CTBP1: variants seen among roughly 807,000 people sequenced by gnomAD.
CTBP1 encodes C-terminal binding protein 1, also known as C-terminal-binding protein 1.
Under a neutral mutation model 42.1 loss-of-function variants are expected in CTBP1, and 11 were observed. That is an observed-to-expected ratio of 0.26 (90% CI 0.16 to 0.43). The LOEUF (loss-of-function observed/expected upper bound fraction) is 0.43, where lower values mean the gene tolerates loss of function less well. Among genes scored for constraint, CTBP1 ranks in the 20% least tolerant of loss-of-function variants. The pLI is 1.00. For missense variants in CTBP1, 399 were observed against 624.3 expected (o/e 0.64, Z 3.85); for synonymous variants, 324 against 277.1 (o/e 1.17, Z -1.68).
Position 1,237,149 on chromosome 4 carries a change from C to T in CTBP1, c.162+1034G>A, listed in dbSNP as rs1279111893. On this transcript the variant is annotated intron_variant, in intron 3 of 9. Coordinates refer to ENST00000382952, the MANE Select transcript of CTBP1 (RefSeq NM_001012614.2). ...CCTCCTGATGGGGCACAGGGCAAAC[C>T]GAGTGTCCACCTCCTGATGGGGCTC... 1.4e-5 allele frequency: 9 copies of T among 655,712 alleles called. No individual in the cohort carries two copies. In the East Asian group the frequency reaches 2.2e-4, roughly 16 times the overall value. The allele number at this position is 655,712 out of a possible 1,614,324, so 40.6% of individuals were successfully genotyped here. A position where few individuals can be genotyped will look rare whatever the true frequency, so the allele number is the denominator to read the frequency against.
At position 1,212,258 on chromosome 4, in the gene CTBP1, G is replaced by A. The variant is rs757056389; in HGVS notation, c.1272C>T (p.His424=). 10 of 1,519,294 alleles carry A rather than the reference G, an allele frequency of 6.6e-6. No homozygotes were observed. Among genetic ancestry groups the A allele is most frequent in the Non-Finnish European group, 7.1e-6 (8 of 1,134,492 alleles). The allele number at this position is 1,519,294 out of a possible 1,614,324, so 94.1% of individuals were successfully genotyped here. ...TCCCGGGCTACAACTGGTCACTGGCGTGGTCTCTATCCGCCTCGGGCTTGA... is the reference window on the plus strand; with the variant it reads ...TCCCGGGCTACAACTGGTCACTGGCATGGTCTCTATCCGCCTCGGGCTTGA... The part of the protein sequence containing the change: ...QTVKPEADRD[H]ASDQL Residue 424 remains histidine, a synonymous_variant, in exon 10 of 10, where the codon CAC becomes CAT. Coordinates refer to ENST00000382952, the MANE Select transcript of CTBP1 (RefSeq NM_001012614.2).
At chr4:1,226,621 C>T (rs896388685) in intron 4 of CTBP1, among the ~76,000 whole-genome samples, 6 of 150,592 alleles carry the variant, frequency 4.0e-5, no homozygotes, top group Non-Finnish European at 8.9e-5. Context: ...CCAGACCATC[C>T]CTGGCTGAAG....
chr4:1,235,334 AGCAGACGCTCCCG>A lies in CTBP1; in HGVS notation c.162+2836_162+2848del, dbSNP rs546799330. On this transcript the variant is annotated intron_variant, in intron 3 of 9. Transcript: ENST00000382952. The surrounding 1 kb of genome is among the most constrained non-coding windows in gnomAD (Gnocchi z 4.2). ...AAGAATCTTCCAGAGCGAACGCCCC[AGCAGACGCTCCCG>A]GCAGACCACGCGCATTTTTAACATC... The A allele has an allele frequency of 4.9e-4, 74 of 152,340 alleles. No individual in the cohort carries two copies. Among genetic ancestry groups the A allele is most frequent in the African/African-American group, 1.7e-3 (71 of 41,556 alleles). The allele number at this position is 152,340 out of a possible 1,614,324, so 9.4% of individuals were successfully genotyped here. A position where few individuals can be genotyped will look rare whatever the true frequency, so the allele number is the denominator to read the frequency against.
In CTBP1 at chr4:1,244,942, C is replaced by T. The variant is rs542992973; in HGVS notation, c.-188-3423G>A. 5,449 of 985,440 alleles carry T rather than the reference C, an allele frequency of 5.5e-3. 22 individuals are homozygous for T. The highest frequency in any genetic ancestry group is 6.2e-3 in the Non-Finnish European group (5,161 of 829,914). The allele number at this position is 985,440 out of a possible 1,614,324, so 61.0% of individuals were successfully genotyped here. ...CCAGTCCTGAGATACAGCCACCTGC[C>T]GCCCAGAGAAAACTGAGGCCCTGCC... On this transcript the variant is annotated intron_variant, in intron 1 of 9. Coordinates refer to ENST00000382952, the MANE Select transcript of CTBP1 (RefSeq NM_001012614.2).
intron 5 of CTBP1, among the ~76,000 whole-genome samples, chr4:1,222,959 T>C (rs1007817732): frequency 2.6e-5 from 4 of 151,846 alleles, no homozygotes; most frequent in Admixed American, 2.6e-4. Context: ...CCACAGTCCC[T>C]CGTACACCTC....
chr4:1,224,954 T>C (rs966143072), intron 5 of CTBP1, among the ~76,000 whole-genome samples: 1 of 151,748 alleles, frequency 6.6e-6, no homozygotes, highest in Non-Finnish European at 1.5e-5. Flanking sequence ...GAGGCCCACA[T>C]GTGTGCTCTG....
chr4:1,225,091 CTG>C lies in CTBP1; in HGVS notation c.514+267_514+268del, dbSNP rs1730183920. 1.3e-5 allele frequency among the ~76,000 whole-genome samples: 2 copies of C among 151,686 alleles called. 1 individual carries two copies. Among genetic ancestry groups the C allele is most frequent in the South Asian group, 4.2e-4 (2 of 4,812 alleles). ...CCATGAGACCCACGTGCTGTGATGT[CTG>C]TGTGAGGCTGTGTGTGCTGTGGCAT... On this transcript the variant is annotated intron_variant, in intron 5 of 9. Coordinates refer to ENST00000382952, the MANE Select transcript of CTBP1 (RefSeq NM_001012614.2).
chr4:1,232,321 T>C (rs1429509795), intron 3 of CTBP1, among the ~76,000 whole-genome samples: 1 of 152,210 alleles, frequency 6.6e-6, no homozygotes, highest in Non-Finnish European at 1.5e-5. Context: ...CTTTCTTTTT[T>C]TCCTTTTTGA....
chr4:1,216,200 C>T lies in CTBP1; in HGVS notation c.520G>A (p.Val174Met). The T allele has an allele frequency of 6.2e-7, 1 of 1,609,520 alleles. No homozygotes were observed. Among genetic ancestry groups the T allele is most frequent in the Non-Finnish European group, 8.5e-7 (1 of 1,179,422 alleles). The change falls in exon 6 of 10, where the codon GTG (valine) becomes ATG (methionine). Residue 174 changes from valine to methionine, a missense_variant. Physicochemically the swap from Val to Met is conservative, Grantham distance 21 (BLOSUM62 1). Coordinates refer to ENST00000382952, the MANE Select transcript of CTBP1 (RefSeq NM_001012614.2). The stretch of plus-strand genomic sequence containing the variant: ...GCCCGCAGCGCCACTGCCTGCCCCA[C>T]GCGACCTGGTGGCGTCAAGACACAG... ...ETLGIIGLGR[V>M]GQAVALRAKA...
intron 5 of CTBP1, chr4:1,221,706 G>C: frequency 2.8e-6 from 1 of 351,564 alleles, no homozygotes; most frequent in Non-Finnish European, 5.7e-6. Flanking sequence ...GCGGGACCCG[G>C]GTCCTCGCAG....
rs560435025 is a variant in CTBP1, at chr4:1,238,426, C to T, written c.8-89G>A. On this transcript the variant is annotated intron_variant, in intron 2 of 9. Transcript: ENST00000382952. The surrounding 1 kb of genome is among the most constrained non-coding windows in gnomAD (Gnocchi z 5.9). ...ACGCCACCCACTGTGCACGGGCCAA[C>T]GAGGGCCGACCGCCGGGGGTTTTCT... is the stretch of plus-strand genomic sequence containing the variant. The T allele has an allele frequency of 6.9e-6, 10 of 1,441,854 alleles. No homozygotes were observed. The East Asian group carries it at 7.0e-5, about 10-fold the overall frequency. 89.3% of individuals were successfully genotyped at this position (1,441,854 alleles called of 1,614,324 possible).
intron 5 of CTBP1, among the ~76,000 whole-genome samples, chr4:1,220,431 A>T (rs1416428346): frequency 6.6e-6 from 1 of 152,264 alleles, no homozygotes; most frequent in Non-Finnish European, 1.5e-5. Flanking sequence ...AAATAAATGG[A>T]GAGATCATAT....
intron 1 of CTBP1, chr4:1,243,840 C>CA (rs1732437796): frequency 2.8e-5 from 28 of 985,428 alleles, no homozygotes; most frequent in Non-Finnish European, 3.3e-5. Flanking sequence ...ATCAAAAACT[C>CA]ACAGCCGCAC....
Position 1,220,583 on chromosome 4 carries a change from G to A in CTBP1, c.515-4378C>T, listed in dbSNP as rs528060642. 1.2e-4 allele frequency among the ~76,000 whole-genome samples: 19 copies of A among 152,344 alleles called. 3 individuals carry two copies. Among genetic ancestry groups the A allele is most frequent in the Middle Eastern group, 6.8e-3 (2 of 294 alleles). On this transcript the variant is annotated intron_variant, in intron 5 of 9. Coordinates refer to ENST00000382952, the MANE Select transcript of CTBP1 (RefSeq NM_001012614.2). ...AGGACCTAAAACAGCCAAGACCCTC[G>A]TCAAGAACATGGTGGAGGATCTCAA...
Position 1,248,925 on chromosome 4 carries a change from G to A in CTBP1, c.-198C>T, listed in dbSNP as rs1255361099. 1 of 1,005,796 alleles carries A rather than the reference G, an allele frequency of 9.9e-7. No homozygotes were observed. The highest frequency in any genetic ancestry group is 5.4e-5 in the Admixed American group (1 of 18,560). The allele number at this position is 1,005,796 out of a possible 1,614,324, so 62.3% of individuals were successfully genotyped here. A position where few individuals can be genotyped will look rare whatever the true frequency, so the allele number is the denominator to read the frequency against. On this transcript the variant is annotated 5_prime_UTR_variant, in exon 1 of 10. Coordinates refer to ENST00000382952, the MANE Select transcript of CTBP1 (RefSeq NM_001012614.2). ...GCGCGCGCGGCCTTACCAAGCGGCA[G>A]GCCCTTGTTGAGCAAGTGCGAGCTG...
chr4:1,213,906 A>G, intron 7 of CTBP1: 1 of 432,684 alleles, frequency 2.3e-6, no homozygotes, highest in Non-Finnish European at 4.1e-6. Flanking sequence ...AAGGGTCTGT[A>G]GCCCCAGGAG....
chr4:1,241,566 G>A (rs569145126), intron 1 of CTBP1, 47 bp from the exon 2 acceptor site: 104 of 1,522,678 alleles, frequency 6.8e-5, no homozygotes, highest in African/African-American at 2.7e-4. Flanking sequence ...TCGAAGGTCC[G>A]ACCAGAACTC....
At chr4:1,243,400 A>C (rs1732393532) in intron 1 of CTBP1, 1 of 985,164 alleles carries the variant, frequency 1.0e-6, no homozygotes, top group African/African-American at 1.7e-5. Context: ...GCCAGACCTG[A>C]GGGGCTGCAC....
At chr4:1,243,759 C>G (rs1034857348) in intron 1 of CTBP1, 4 of 985,438 alleles carry the variant, frequency 4.1e-6, no homozygotes, top group Non-Finnish European at 4.8e-6. Flanking sequence ...CCCACACACT[C>G]CGAGGTGAAG....
Sources: allele counts gnomAD v4.1 joint callset (sites outside exome capture counted in the v4.1 genomes callset), GRCh38; gene constraint gnomAD v4.1.1; non-coding constraint Gnocchi (gnomAD v3.1); transcripts MANE v1.5; gene names NCBI Gene and HGNC (gene_info 2026-07-23, HGNC 2026-07-21).